Variants in CEP120 observed in about 807,000 individuals in gnomAD.
CEP120 encodes centrosomal protein of 120 kDa.
In CEP120, 113 loss-of-function variants were observed where a neutral mutation model predicts 126.5. The observed-to-expected ratio is 0.89, with a 90% CI of 0.77 to 1.04. CEP120 has a LOEUF of 1.04. CEP120 is among the 50% of genes least tolerant of loss of function. CEP120 has a pLI of 0.00. For synonymous variants in CEP120, 400 were observed against 394.3 expected (o/e 1.01, Z -0.17); for missense variants, 1,230 against 1,155.7 (o/e 1.06, Z -0.93).
intron 13 of CEP120, among the ~76,000 whole-genome samples, 161 bp from the exon 14 acceptor site, chr5:123,382,361 CA>C (rs772319103): frequency 1.4e-5 from 2 of 146,556 alleles, no homozygotes; most frequent in East Asian, 3.9e-4. Flanking sequence ...ATGCCTGAGG[CA>C]AATAATGCCC....
chr5:123,346,835 G>T, intron 19 of CEP120, 82 bp from the exon 20 acceptor site: 1 of 982,034 alleles, frequency 1.0e-6, no homozygotes, highest in Admixed American at 2.8e-5. Context: ...ATGATTCAAT[G>T]GTAAGACAAG....
intron 4 of CEP120, among the ~76,000 whole-genome samples, chr5:123,406,580 T>A (rs1773686058): frequency 1.6e-5 from 2 of 121,526 alleles, no homozygotes; most frequent in African/African-American, 3.2e-5. Flanking sequence ...GTATTTACAA[T>A]GTTGAGAAAA....
intron 18 of CEP120, chr5:123,358,520 A>T (rs1233722753): frequency 6.6e-6 from 1 of 152,106 alleles, no homozygotes; most frequent in African/African-American, 2.4e-5. Flanking sequence ...TTTTTAAAAA[A>T]TTTTTACAAT....
intron 4 of CEP120, chr5:123,401,027 C>T: frequency 6.4e-7 from 1 of 1,566,694 alleles, no homozygotes; most frequent in Non-Finnish European, 8.7e-7. Context: ...AGCTGGCGCC[C>T]AGGCCGTAGC....
intron 14 of CEP120, among the ~76,000 whole-genome samples, 176 bp downstream of exon 14, chr5:123,381,935 A>T (rs967101993): frequency 2.2e-4 from 34 of 152,024 alleles, no homozygotes; most frequent in African/African-American, 8.2e-4. Context: ...CAAAAGCACA[A>T]AATACTTTAC....
chr5:123,352,649 A>G (rs1769268420), intron 18 of CEP120, among the ~76,000 whole-genome samples: 1 of 152,044 alleles, frequency 6.6e-6, no homozygotes, highest in African/African-American at 2.4e-5. Context: ...TTATTCTTCA[A>G]AATGATTTTA....
At chr5:123,422,321 A>G (rs1774768465) in intron 1 of CEP120, 1 of 606,328 alleles carries the variant, frequency 1.6e-6, no homozygotes, top group East Asian at 2.9e-5. Context: ...AGGGTCTTCC[A>G]CATCCTGATG....
intron 7 of CEP120, 53 bp downstream of exon 7, chr5:123,391,057 A>C (rs1365496492): frequency 2.3e-6 from 3 of 1,306,604 alleles, no homozygotes; most frequent in Non-Finnish European, 3.2e-6. Context: ...TTTTGTAAGT[A>C]ATCATGCATG....
In CEP120 at chr5:123,377,535, G is replaced by A. The variant is rs77866854; in HGVS notation, c.2197C>T (p.Leu733Phe). 6.3e-7 allele frequency: 1 copy of A among 1,574,886 alleles called. No homozygotes were observed. The highest frequency in any genetic ancestry group is 1.4e-5 in the African/African-American group (1 of 72,198). ...EQQLASVESE[L>F]QREKKELQSE... ...TGCAGTTCCTTTTTTTCTCTTTGAA[G>A]CTTAAAACAAAGGCATCTTTAAGAG... is the stretch of plus-strand genomic sequence containing the variant. The change falls in exon 16 of 20, where the codon CTT becomes TTT. Residue 733 changes from leucine to phenylalanine, a missense_variant and splice_region_variant. By Grantham distance (22) the Leu-to-Phe change is conservative (BLOSUM62 0). Coordinates refer to ENST00000306467, the MANE Select transcript of CEP120 (RefSeq NM_001375405.1).
chr5:123,379,837 G>A (rs1297779801), intron 14 of CEP120, among the ~76,000 whole-genome samples: 1 of 152,054 alleles, frequency 6.6e-6, no homozygotes, highest in Non-Finnish European at 1.5e-5. Flanking sequence ...GCTGTGTCCG[G>A]AATACCCTTT....
intron 4 of CEP120, among the ~76,000 whole-genome samples, chr5:123,410,462 G>A (rs552794078): frequency 1.3e-5 from 2 of 152,320 alleles, no homozygotes; most frequent in East Asian, 3.9e-4. Context: ...AATCAAAACA[G>A]TGTTGCATTG....
At chr5:123,411,985 A>G (rs1441994260) in intron 4 of CEP120, among the ~76,000 whole-genome samples, 1 of 152,182 alleles carries the variant, frequency 6.6e-6, no homozygotes, top group Non-Finnish European at 1.5e-5. Flanking sequence ...TCTCTGCTCA[A>G]TTTTACTGTG....
chr5:123,385,487 C>T (rs1052588514), intron 10 of CEP120, among the ~76,000 whole-genome samples: 6 of 152,186 alleles, frequency 3.9e-5, no homozygotes, highest in African/African-American at 1.4e-4. Context: ...CTATTCCACC[C>T]AGCTTAGGTG....
At chr5:123,414,378 C>T (rs1027279811) in intron 3 of CEP120, among the ~76,000 whole-genome samples, 10 of 152,174 alleles carry the variant, frequency 6.6e-5, no homozygotes, top group African/African-American at 2.4e-4. Flanking sequence ...TCTTTTAAAG[C>T]ATTTTTAAAT....
In CEP120 at chr5:123,407,146, T is replaced by C. The variant is rs192981389; in HGVS notation, c.463+5253A>G. On this transcript the variant is annotated intron_variant, in intron 4 of 19. Coordinates refer to ENST00000306467, the MANE Select transcript of CEP120 (RefSeq NM_001375405.1). ...AAAAAACAAAAAAGTATAACTGATA[T>C]GCAAGAAAGAGAAAATTAAAACCAC... Among the ~76,000 whole-genome samples the C allele has an allele frequency of 4.6e-4, 67 of 145,528 alleles. No individual in the cohort carries two copies. In the Middle Eastern group the frequency reaches 0.011, roughly 23 times the overall value.
intron 4 of CEP120, 22 bp downstream of exon 4, chr5:123,412,377 T>A (rs1300291322): frequency 6.3e-7 from 1 of 1,585,706 alleles, no homozygotes; most frequent in Non-Finnish European, 8.6e-7. Context: ...TCAGAGAATG[T>A]TTTTAGAGAT....
intron 17 of CEP120, among the ~76,000 whole-genome samples, chr5:123,368,229 G>A (rs188617253): frequency 6.6e-6 from 1 of 151,700 alleles, no homozygotes; most frequent in African/African-American, 2.4e-5. Flanking sequence ...CTGTATTCAG[G>A]GATGAATAAG....
chr5:123,420,190 C>G (rs553622618), intron 1 of CEP120, among the ~76,000 whole-genome samples: 1 of 152,300 alleles, frequency 6.6e-6, no homozygotes, highest in East Asian at 1.9e-4. Context: ...CAAAAGATAC[C>G]TAGCTTCCCC....
intron 5 of CEP120, among the ~76,000 whole-genome samples, chr5:123,396,749 CT>C (rs1772816512): frequency 6.6e-6 from 1 of 152,132 alleles, no homozygotes; most frequent in African/African-American, 2.4e-5. Context: ...TTATTCCAAA[CT>C]CATTAAGAGG....
Sources: gnomAD v4.1 joint callset for allele counts (sites outside exome capture counted in the v4.1 genomes callset) on GRCh38, gnomAD v4.1.1 for gene constraint, MANE v1.5 for transcripts, NCBI Gene and HGNC (gene_info 2026-07-23, HGNC 2026-07-21) for gene names.